DPP10: variants seen among roughly 807,000 people sequenced by gnomAD.
The protein encoded by DPP10 is inactive dipeptidyl peptidase 10.
DPP10 carries 33 observed loss-of-function variants against 120.9 expected under a neutral mutation model. The observed-to-expected ratio is 0.27, with a 90% CI of 0.21 to 0.37. DPP10 has a LOEUF of 0.37. Among genes scored for constraint, DPP10 ranks in the 10% least tolerant of loss-of-function variants. The probability of loss-of-function intolerance (pLI) is 1.00; values close to 1 mark genes in which losing one functional copy is unlikely to be tolerated. For missense variants in DPP10, 816 were observed against 942.8 expected (o/e 0.87, Z 1.76); for synonymous variants, 337 against 326.1 (o/e 1.03, Z -0.36).
intron 1 of DPP10, among the ~76,000 whole-genome samples, chr2:115,299,757 C>A (rs1427532809): frequency 6.6e-6 from 1 of 151,920 alleles, no homozygotes; most frequent in African/African-American, 2.4e-5. Context: ...GATTTATATT[C>A]CATTTTGATA....
chr2:115,066,331 T>C (rs974473283), intron 1 of DPP10, among the ~76,000 whole-genome samples: 1 of 152,170 alleles, frequency 6.6e-6, no homozygotes, highest in African/African-American at 2.4e-5. Context: ...GTAGGCACTT[T>C]ATGCATATGA....
At chr2:115,139,441 G>A (rs1331344122) in intron 1 of DPP10, among the ~76,000 whole-genome samples, 1 of 151,752 alleles carries the variant, frequency 6.6e-6, no homozygotes, top group African/African-American at 2.4e-5. Flanking sequence ...ACACACATAC[G>A]AAAAACTTTA....
At chr2:114,968,687 T>C (rs576301839) in intron 1 of DPP10, among the ~76,000 whole-genome samples, 1 of 152,336 alleles carries the variant, frequency 6.6e-6, no homozygotes, top group East Asian at 1.9e-4. Flanking sequence ...ATATGTTAAA[T>C]AACAAGATAC....
intron 4 of DPP10, among the ~76,000 whole-genome samples, chr2:115,503,299 G>C (rs1326159394): frequency 6.6e-6 from 1 of 152,076 alleles, no homozygotes; most frequent in Non-Finnish European, 1.5e-5. Context: ...AGCTGGCTTC[G>C]ATGTCATCCT....
chr2:115,406,988 G>T (rs1472684841), intron 3 of DPP10, among the ~76,000 whole-genome samples: 4 of 152,314 alleles, frequency 2.6e-5, no homozygotes, highest in East Asian at 3.9e-4. Context: ...ACACTTTGAA[G>T]AGTGACGGGG....
At position 115,615,437 on chromosome 2, in the gene DPP10, G is replaced by A. The variant is rs559824642; in HGVS notation, c.442-74250G>A. ...ACTATAAATTCTAGAATGGCGGGAT[G>A]TTATGAACGGCATCGCACATGCTAC... On this transcript the variant is annotated intron_variant, in intron 5 of 25. Transcript: ENST00000410059. Among the ~76,000 whole-genome samples, 36 of 152,244 alleles carry A rather than the reference G, an allele frequency of 2.4e-4. 1 individual carries two copies. The highest frequency in any genetic ancestry group is 6.8e-3 in the Middle Eastern group (2 of 294).
chr2:115,234,950 G>T (rs1423431389), intron 1 of DPP10, among the ~76,000 whole-genome samples: 1 of 152,140 alleles, frequency 6.6e-6, no homozygotes, highest in Non-Finnish European at 1.5e-5. Flanking sequence ...CCTCCTTGCT[G>T]CCTTGAAGGG....
chr2:114,766,459 T>G (rs1680710942), intron 1 of DPP10, among the ~76,000 whole-genome samples: 1 of 152,102 alleles, frequency 6.6e-6, no homozygotes, highest in Admixed American at 6.6e-5. Flanking sequence ...TCCAGAGAAA[T>G]GAACTTTTAT....
intron 1 of DPP10, among the ~76,000 whole-genome samples, chr2:114,689,604 A>G (rs1699604682): frequency 6.6e-6 from 1 of 152,050 alleles, no homozygotes; most frequent in Admixed American, 6.6e-5. Context: ...ACTCAGTAAT[A>G]GGATTGCTGG....
chr2:115,285,954 AT>A (rs2060346068), intron 1 of DPP10, among the ~76,000 whole-genome samples: 1 of 151,974 alleles, frequency 6.6e-6, no homozygotes, highest in Non-Finnish European at 1.5e-5. Flanking sequence ...ATTTATGTTA[AT>A]TTTTATGCAT....
intron 1 of DPP10, among the ~76,000 whole-genome samples, chr2:115,204,323 G>A (rs1396033780): frequency 6.6e-6 from 1 of 152,078 alleles, no homozygotes; most frequent in Non-Finnish European, 1.5e-5. Flanking sequence ...CAAAGAATAG[G>A]CCATATGTCA....
Position 115,183,824 on chromosome 2 carries a change from G to T in DPP10, c.61-125415G>T, listed in dbSNP as rs532981287. ...GGAAAAGAGCTCTAAAAGCTAGATC[G>T]AAAGAGCTTTTTAAAAATTAGGAAG... On this transcript the variant is annotated intron_variant, in intron 1 of 25. Coordinates refer to ENST00000410059, the MANE Select transcript of DPP10 (RefSeq NM_020868.6). 8.5e-5 allele frequency among the ~76,000 whole-genome samples: 13 copies of T among 152,200 alleles called. 1 individual carries two copies. In the South Asian group the frequency reaches 2.7e-3, roughly 32 times the overall value.
At chr2:115,191,443 A>G (rs557808696) in intron 1 of DPP10, among the ~76,000 whole-genome samples, 3 of 152,360 alleles carry the variant, frequency 2.0e-5, no homozygotes, top group East Asian at 1.9e-4. Context: ...TCACCTGGCA[A>G]ATCTCCACAG....
intron 5 of DPP10, among the ~76,000 whole-genome samples, chr2:115,588,357 C>A (rs1159057897): frequency 1.3e-5 from 2 of 152,078 alleles, no homozygotes; most frequent in Non-Finnish European, 2.9e-5. Context: ...TAGTGTTTCT[C>A]TCAGTTTCAA....
chr2:114,465,468 T>C (rs1373648734), intron 1 of DPP10, among the ~76,000 whole-genome samples: 1 of 152,200 alleles, frequency 6.6e-6, no homozygotes, highest in Non-Finnish European at 1.5e-5. Flanking sequence ...ATCCTATTGA[T>C]ACAATTTCCC....
At chr2:115,544,341 T>C (rs1006829913) in intron 5 of DPP10, among the ~76,000 whole-genome samples, 4 of 152,088 alleles carry the variant, frequency 2.6e-5, no homozygotes, top group African/African-American at 9.7e-5. Flanking sequence ...TATGTGTCCA[T>C]GATTGACAGT....
intron 5 of DPP10, among the ~76,000 whole-genome samples, chr2:115,563,716 A>G (rs2080829774): frequency 6.6e-6 from 1 of 152,220 alleles, no homozygotes; most frequent in Non-Finnish European, 1.5e-5. Flanking sequence ...AGACAGAATA[A>G]AGTTCAGAAT....
chr2:114,723,712 T>A (rs887713769), intron 1 of DPP10, among the ~76,000 whole-genome samples: 27 of 151,662 alleles, frequency 1.8e-4, no homozygotes, highest in Middle Eastern at 3.5e-3. Flanking sequence ...TTTAGTGCTA[T>A]TTTTTTTCTA....
At chr2:114,960,508 T>C (rs1698533531) in intron 1 of DPP10, among the ~76,000 whole-genome samples, 1 of 151,990 alleles carries the variant, frequency 6.6e-6, no homozygotes, top group Non-Finnish European at 1.5e-5. Context: ...TTTAAGAAAG[T>C]ATAAATAATT....
Sources: gnomAD v4.1 joint callset for allele counts (sites outside exome capture counted in the v4.1 genomes callset) on GRCh38, gnomAD v4.1.1 for gene constraint, MANE v1.5 for transcripts, NCBI Gene and HGNC (gene_info 2026-07-23, HGNC 2026-07-21) for gene names.